Variants in F2 observed in about 807,000 individuals in gnomAD.
The protein encoded by F2 is coagulation factor II, thrombin.
A neutral mutation model predicts 81.9 loss-of-function variants in F2; 34 were observed. That is an observed-to-expected ratio of 0.42 (90% CI 0.32 to 0.55). The LOEUF (loss-of-function observed/expected upper bound fraction) is 0.55, where lower values mean the gene tolerates loss of function less well. Ranked by LOEUF, F2 falls within the 20% of genes least tolerant of loss-of-function variation. The pLI is 0.18. For missense variants in F2, 630 were observed against 833.4 expected (o/e 0.76, Z 3.00); for synonymous variants, 296 against 326.4 (o/e 0.91, Z 1.01).
At position 46,726,294 on chromosome 11, in the gene F2, C is replaced by T; in HGVS notation, c.874+121C>T. The T allele has an allele frequency of 2.8e-6, 4 of 1,449,884 alleles. No individual in the cohort carries two copies. Among genetic ancestry groups the T allele is most frequent in the Non-Finnish European group, 3.8e-6 (4 of 1,065,238 alleles). The allele number at this position is 1,449,884 out of a possible 1,614,324, so 89.8% of individuals were successfully genotyped here. A position where few individuals can be genotyped will look rare whatever the true frequency, so the allele number is the denominator to read the frequency against. On this transcript the variant is annotated intron_variant, in intron 7 of 13. Coordinates refer to ENST00000311907, the MANE Select transcript of F2 (RefSeq NM_000506.5). This position sits in a 1 kb window ranked among gnomAD's most constrained non-coding sequence, Gnocchi z 5.9. Reference sequence around the variant, plus strand: ...TGCGCTCATTACAGCCTTACAGTAACCAGGTGGGGGGTAAGGTCCTGTGCC... The same window carrying T: ...TGCGCTCATTACAGCCTTACAGTAATCAGGTGGGGGGTAAGGTCCTGTGCC...
rs779132309 is a variant in F2, at chr11:46,723,126, A to G, written c.317-54A>G. 2.7e-6 allele frequency: 4 copies of G among 1,506,878 alleles called. No individual in the cohort carries two copies. The African/African-American group carries it at 5.5e-5, about 21-fold the overall frequency. The allele number at this position is 1,506,878 out of a possible 1,614,324, so 93.3% of individuals were successfully genotyped here. ...GTGGGGGATAGACAACTTTGCAGGG[A>G]GAGAGGAAATAAGTCCCCAGGCTCC... On this transcript the variant is annotated intron_variant, in intron 4 of 13. Transcript: ENST00000311907. This position sits in a 1 kb window ranked among gnomAD's most constrained non-coding sequence, Gnocchi z 5.6.
intron 2 of F2, chr11:46,720,219 C>T (rs927927692): frequency 5.4e-6 from 3 of 554,986 alleles, no homozygotes; most frequent in Non-Finnish European, 9.7e-6. Context: ...GCTCAAGACT[C>T]AGTGTTCCTG....
Position 46,726,364 on chromosome 11 carries a change from A to G in F2, c.875-134A>G, listed in dbSNP as rs752927000. The G allele has an allele frequency of 4.7e-6, 7 of 1,501,088 alleles. No homozygotes were observed. The highest frequency in any genetic ancestry group is 6.3e-6 in the Non-Finnish European group (7 of 1,106,940). 93.0% of individuals were successfully genotyped at this position (1,501,088 alleles called of 1,614,324 possible). ...CTGAGGCCCCAGGAGGTTATTGCCTAGTAGCCCAACTGTGCATGCACGCTT... is the reference window on the plus strand; with the variant it reads ...CTGAGGCCCCAGGAGGTTATTGCCTGGTAGCCCAACTGTGCATGCACGCTT... On this transcript the variant is annotated intron_variant, in intron 7 of 13. Transcript: ENST00000311907. The surrounding 1 kb of genome is among the most constrained non-coding windows in gnomAD (Gnocchi z 5.9).
At chr11:46,733,891 C>G (rs140067493) in intron 12 of F2, among the ~76,000 whole-genome samples, 2 of 142,644 alleles carry the variant, frequency 1.4e-5, no homozygotes, top group Non-Finnish European at 1.5e-5. Flanking sequence ...TGGGTTCAAG[C>G]GATTCTCCTG....
rs2070852 is a variant in F2 at position 46,723,375 on chromosome 11, G to T, written c.423-7G>T. The T allele has an allele frequency of 9.9e-6, 16 of 1,613,474 alleles. No homozygotes were observed. The highest frequency in any genetic ancestry group is 1.4e-5 in the Non-Finnish European group (16 of 1,179,806). ...ACAGCCTCCTGTTGGGCAATTTCCTGTTCCAGAATCAACTCCACTACCCAT... is the reference window on the plus strand; with the variant it reads ...ACAGCCTCCTGTTGGGCAATTTCCTTTTCCAGAATCAACTCCACTACCCAT... On this transcript the variant is annotated splice_region_variant and splice_polypyrimidine_tract_variant and intron_variant, in intron 5 of 13. Transcript: ENST00000311907. The surrounding 1 kb of genome is among the most constrained non-coding windows in gnomAD (Gnocchi z 5.6).
At position 46,726,274 on chromosome 11, in the gene F2, T is replaced by C. The variant is rs2134532319; in HGVS notation, c.874+101T>C. Reference sequence around the variant, plus strand: ...CGAACGCTTACCTCATTGAGTGCGCTCATTACAGCCTTACAGTAACCAGGT... The same window carrying C: ...CGAACGCTTACCTCATTGAGTGCGCCCATTACAGCCTTACAGTAACCAGGT... On this transcript the variant is annotated intron_variant, in intron 7 of 13. Coordinates refer to ENST00000311907, the MANE Select transcript of F2 (RefSeq NM_000506.5). This position sits in a 1 kb window ranked among gnomAD's most constrained non-coding sequence, Gnocchi z 5.9. 1.3e-6 allele frequency: 2 copies of C among 1,506,144 alleles called. No homozygotes were observed. The highest frequency in any genetic ancestry group is 4.6e-5 in the East Asian group (2 of 43,076). 93.3% of individuals were successfully genotyped at this position (1,506,144 alleles called of 1,614,324 possible). A position where few individuals can be genotyped will look rare whatever the true frequency, so the allele number is the denominator to read the frequency against.
chr11:46,723,335 C>A lies in F2; in HGVS notation c.423-47C>A, dbSNP rs765614092. ...CCATGGGCTGAGAACAGGGAGCAAG[C>A]GTACCTCAAGCCCAACAGCCTCCTG... On this transcript the variant is annotated intron_variant, in intron 5 of 13. Coordinates refer to ENST00000311907, the MANE Select transcript of F2 (RefSeq NM_000506.5). This position sits in a 1 kb window ranked among gnomAD's most constrained non-coding sequence, Gnocchi z 5.6. 6.2e-7 allele frequency: 1 copy of A among 1,613,536 alleles called. No individual in the cohort carries two copies. Among genetic ancestry groups the A allele is most frequent in the Non-Finnish European group, 8.5e-7 (1 of 1,179,512 alleles).
rs561275396 is a variant in F2, at chr11:46,723,137, A to C, written c.317-43A>C. On this transcript the variant is annotated intron_variant, in intron 4 of 13. Transcript: ENST00000311907. This position sits in a 1 kb window ranked among gnomAD's most constrained non-coding sequence, Gnocchi z 5.6. Reference sequence around the variant, plus strand: ...ACAACTTTGCAGGGAGAGAGGAAATAAGTCCCCAGGCTCCAAGGCTGACCG... The same window carrying C: ...ACAACTTTGCAGGGAGAGAGGAAATCAGTCCCCAGGCTCCAAGGCTGACCG... 1 of 1,564,078 alleles carries C rather than the reference A, an allele frequency of 6.4e-7. No homozygotes were observed. The highest frequency in any genetic ancestry group is 8.8e-7 in the Non-Finnish European group (1 of 1,134,752).
At chr11:46,720,742 T>A in intron 3 of F2, 48 bp from the exon 4 acceptor site, 1 of 1,608,056 alleles carries the variant, frequency 6.2e-7, no homozygotes, top group Non-Finnish European at 8.5e-7. Flanking sequence ...CTCCAGCTCA[T>A]CCTGGCCATA....
intron 12 of F2, among the ~76,000 whole-genome samples, chr11:46,733,434 C>T (rs2134541784): frequency 6.6e-6 from 1 of 152,242 alleles, no homozygotes; most frequent in South Asian, 2.1e-4. Context: ...GAACTCTGAG[C>T]TCAAGTGATC....
At chr11:46,721,425 C>A (rs892481694) in intron 4 of F2, among the ~76,000 whole-genome samples, 1 of 152,184 alleles carries the variant, frequency 6.6e-6, no homozygotes, top group Admixed American at 6.5e-5. Flanking sequence ...ATGTCACATT[C>A]CCCTTCTAGC....
chr11:46,731,792 C>G (rs1330736360), intron 12 of F2, among the ~76,000 whole-genome samples: 1 of 151,868 alleles, frequency 6.6e-6, no homozygotes, highest in African/African-American at 2.4e-5. Flanking sequence ...AACAATTTGT[C>G]TCATATGTGG....
In F2 at chr11:46,723,182, A is replaced by C; in HGVS notation, c.319A>C (p.Asn107His). The change falls in exon 5 of 14, where the codon AAC (asparagine) becomes CAC (histidine). Residue 107 changes from asparagine (N) to histidine (H), a missense_variant and splice_region_variant. By Grantham distance (68) the Asn-to-His change is moderately conservative. Coordinates refer to ENST00000311907, the MANE Select transcript of F2 (RefSeq NM_000506.5). This position sits in a 1 kb window ranked among gnomAD's most constrained non-coding sequence, Gnocchi z 5.6. ...RDKLAACLEG[N>H]CAEGLGTNYR... The stretch of plus-strand genomic sequence containing the variant: ...TGACCGGGGTGGGGTCTCCGCAGGT[A>C]ACTGTGCTGAGGGTCTGGGTACGAA... 6.2e-7 allele frequency: 1 copy of C among 1,613,874 alleles called. No individual in the cohort carries two copies. Among genetic ancestry groups the C allele is most frequent in the South Asian group, 1.1e-5 (1 of 91,074 alleles).
In F2 at chr11:46,739,031, G is replaced by A. The variant is rs754874024; in HGVS notation, c.1655-17G>A. 4.3e-6 allele frequency: 7 copies of A among 1,613,544 alleles called. No homozygotes were observed. The highest frequency in any genetic ancestry group is 1.7e-5 in the Admixed American group (1 of 59,992). The stretch of plus-strand genomic sequence containing the variant: ...ATGAGCTATGCTCCTGAGCACAGAC[G>A]GCTGTTCTCTTTCAAGGTTACAAGC... On this transcript the variant is annotated splice_polypyrimidine_tract_variant and intron_variant, in intron 12 of 13. Coordinates refer to ENST00000311907, the MANE Select transcript of F2 (RefSeq NM_000506.5).
At chr11:46,730,286 G>A (rs1262779973) in intron 12 of F2, among the ~76,000 whole-genome samples, 1 of 152,100 alleles carries the variant, frequency 6.6e-6, no homozygotes, top group Non-Finnish European at 1.5e-5. Flanking sequence ...GGGCAACACA[G>A]CAAGACTCCA....
chr11:46,737,552 TG>T (rs1393924367), intron 12 of F2, among the ~76,000 whole-genome samples: 1 of 150,210 alleles, frequency 6.7e-6, no homozygotes, highest in Non-Finnish European at 1.5e-5. Context: ...GCCATCCTCC[TG>T]CCTCAGCCTC....
intron 4 of F2, among the ~76,000 whole-genome samples, chr11:46,721,718 C>T (rs2064837540): frequency 6.6e-6 from 1 of 152,194 alleles, no homozygotes; most frequent in Admixed American, 6.5e-5. Context: ...TTATAAGAGA[C>T]AGGGTCTCCC....
At chr11:46,731,912 G>GTTTTTTTTTTTTTTTTTTTTTTTTTT (rs71042616) in intron 12 of F2, among the ~76,000 whole-genome samples, 5 of 88,178 alleles carry the variant, frequency 5.7e-5, no homozygotes, top group African/African-American at 2.2e-4. Context: ...ACACTTTGAT[G>GTTTTTTTTTTTTTTTTTTTTTTTTTT]TTTTTTTTTT....
chr11:46,719,289 G>A lies in F2; in HGVS notation c.54G>A (p.Leu18=), dbSNP rs1354614204. The change falls in exon 1 of 14, where the codon CTG becomes CTA. Residue 18 remains leucine (L), a synonymous_variant. Transcript: ENST00000311907. This position sits in a 1 kb window ranked among gnomAD's most constrained non-coding sequence, Gnocchi z 4.7. The stretch of plus-strand genomic sequence containing the variant: ...CTGGCTGCCTGGCCCTGGCTGCCCT[G>A]TGTAGCCTTGTGCACAGCCAGCATG... ...QLPGCLALAA[L]CSLVHSQHVF... is the part of the protein sequence containing the mutation. The A allele has an allele frequency of 1.9e-6, 3 of 1,613,526 alleles. No homozygotes were observed. The highest frequency in any genetic ancestry group is 1.7e-4 in the Middle Eastern group (1 of 5,956).
Sources: gnomAD v4.1 joint callset for allele counts (sites outside exome capture counted in the v4.1 genomes callset) on GRCh38, gnomAD v4.1.1 for gene constraint, Gnocchi (gnomAD v3.1) non-coding constraint, MANE v1.5 for transcripts, NCBI Gene and HGNC (gene_info 2026-07-23, HGNC 2026-07-21) for gene names.